Variants in VAC14 observed in about 807,000 individuals in gnomAD.
VAC14 encodes VAC14 component of PIKFYVE complex.
A neutral mutation model predicts 85.3 loss-of-function variants in VAC14; 47 were observed. The ratio of observed to expected loss-of-function variants is 0.55; its 90% CI spans 0.44 to 0.70. VAC14 has a LOEUF of 0.70. Ranked by LOEUF, VAC14 falls within the 30% of genes least tolerant of loss-of-function variation. The pLI, the probability that VAC14 is intolerant of heterozygous loss-of-function variation, is 0.00. For missense variants in VAC14, 861 were observed against 1,004.3 expected (o/e 0.86, Z 1.93); for synonymous variants, 447 against 430.5 (o/e 1.04, Z -0.47).
intron 12 of VAC14, chr16:70,755,201 T>C (rs577752557): frequency 2.3e-5 from 8 of 344,072 alleles, no homozygotes; most frequent in African/African-American, 1.3e-4. Context: ...AGGTGGAAGA[T>C]GGAGAGGGCT....
intron 9 of VAC14, among the ~76,000 whole-genome samples, chr16:70,775,443 T>A (rs951695406): frequency 2.6e-5 from 4 of 152,250 alleles, no homozygotes; most frequent in Non-Finnish European, 4.4e-5. Flanking sequence ...TTTCACTCTG[T>A]CCTATGGCTT....
chr16:70,737,793 C>T (rs2054808278), intron 13 of VAC14, among the ~76,000 whole-genome samples: 1 of 152,216 alleles, frequency 6.6e-6, no homozygotes, highest in South Asian at 2.1e-4. Context: ...AGAAACCTCA[C>T]ATGTCAGGAT....
Position 70,688,011 on chromosome 16 carries a change from C to CA in VAC14, c.2265dup (p.Glu756Ter). On this transcript the variant is annotated frameshift_variant, in exon 19 of 19. Coordinates refer to ENST00000261776, the MANE Select transcript of VAC14 (RefSeq NM_018052.5). LOFTEE classifies it high-confidence loss of function. ...TCCAGGTGCTTGTTCTGGACCTTCT[C>CA]AAAGTGCTGCAGCAGCTCTGCGTAG... The CA allele has an allele frequency of 1.2e-6, 2 of 1,607,086 alleles. No homozygotes were observed. Among genetic ancestry groups the CA allele is most frequent in the Non-Finnish European group, 8.5e-7 (1 of 1,175,996 alleles).
chr16:70,761,409 G>T (rs2032372831), intron 12 of VAC14, among the ~76,000 whole-genome samples: 1 of 152,262 alleles, frequency 6.6e-6, no homozygotes, highest in Non-Finnish European at 1.5e-5. Flanking sequence ...AGGAAAGTGG[G>T]CTGAGGCTCA....
At chr16:70,758,275 G>A (rs1247845151) in intron 12 of VAC14, among the ~76,000 whole-genome samples, 4 of 152,106 alleles carry the variant, frequency 2.6e-5, no homozygotes, top group Non-Finnish European at 4.4e-5. Flanking sequence ...AGGGGGTTAC[G>A]CTTTCTCTTT....
At chr16:70,772,019 G>T in intron 10 of VAC14, 90 bp downstream of exon 10, 2 of 1,199,794 alleles carry the variant, frequency 1.7e-6, no homozygotes, top group South Asian at 1.3e-5. Flanking sequence ...AGTAGAATTT[G>T]CCTTGGGTCA....
chr16:70,761,443 T>C (rs562010118), intron 12 of VAC14, among the ~76,000 whole-genome samples: 2 of 152,326 alleles, frequency 1.3e-5, no homozygotes, highest in African/African-American at 4.8e-5. Flanking sequence ...GCATCTGAGA[T>C]GCAGCCTGAA....
chr16:70,707,572 A>G (rs1177103259), intron 14 of VAC14, among the ~76,000 whole-genome samples: 1 of 151,904 alleles, frequency 6.6e-6, no homozygotes, highest in Non-Finnish European at 1.5e-5. Context: ...GGGAGCTGCC[A>G]CAGAAAACGA....
chr16:70,731,670 G>A, intron 13 of VAC14, 43 bp from the exon 14 acceptor site: 1 of 1,538,022 alleles, frequency 6.5e-7, no homozygotes, highest in Non-Finnish European at 8.8e-7. Context: ...CTGATTATGT[G>A]TCCACAGGGT....
At chr16:70,793,872 G>A (rs562434966) in intron 1 of VAC14, among the ~76,000 whole-genome samples, 1 of 152,332 alleles carries the variant, frequency 6.6e-6, no homozygotes, top group South Asian at 2.1e-4. Flanking sequence ...ACGAGGTTGT[G>A]CTCATTCCAT....
chr16:70,789,719 CT>C (rs997205484), intron 1 of VAC14, among the ~76,000 whole-genome samples: 1 of 152,156 alleles, frequency 6.6e-6, no homozygotes, highest in Non-Finnish European at 1.5e-5. Context: ...ACTTATTTTC[CT>C]AAATTCTGCA....
At chr16:70,764,108 T>C (rs1243138955) in intron 10 of VAC14, among the ~76,000 whole-genome samples, 1 of 152,226 alleles carries the variant, frequency 6.6e-6, no homozygotes, top group Non-Finnish European at 1.5e-5. Context: ...CATCAGGAAC[T>C]GATGGCTGTG....
Position 70,786,199 on chromosome 16 carries a change from TG to T in VAC14, c.255+15del, listed in dbSNP as rs779006139. The T allele has an allele frequency of 6.2e-7, 1 of 1,612,978 alleles. No individual in the cohort carries two copies. The highest frequency in any genetic ancestry group is 1.1e-5 in the South Asian group (1 of 90,906). ...GGCCAGGACTGGTATGTCTGTCCCT[TG>T]GGTGAAAGGCCCACCTTGCCCAGTG... On this transcript the variant is annotated intron_variant, in intron 2 of 18. Transcript: ENST00000261776.
rs1266959270 is a variant in VAC14 at position 70,786,141 on chromosome 16, G to A, written c.255+74C>T. 3 of 1,568,086 alleles carry A rather than the reference G, an allele frequency of 1.9e-6. No individual in the cohort carries two copies. In the East Asian group the frequency reaches 6.7e-5, roughly 35 times the overall value. On this transcript the variant is annotated intron_variant, in intron 2 of 18. Coordinates refer to ENST00000261776, the MANE Select transcript of VAC14 (RefSeq NM_018052.5). ...TGCAATGCCCTACTGGGTCTTGACA[G>A]GGAAGGCATCGGGATGGCTTGGTCA...
chr16:70,798,210 C>A (rs898194932), intron 1 of VAC14, among the ~76,000 whole-genome samples: 1 of 152,168 alleles, frequency 6.6e-6, no homozygotes, highest in Non-Finnish European at 1.5e-5. Flanking sequence ...GCCACGCAGC[C>A]TCTCAGGAAA....
At chr16:70,694,286 C>T (rs2053661663) in intron 17 of VAC14, among the ~76,000 whole-genome samples, 1 of 152,206 alleles carries the variant, frequency 6.6e-6, no homozygotes, top group African/African-American at 2.4e-5. Flanking sequence ...TCAGGACAGA[C>T]CAGCAGCAGG....
intron 14 of VAC14, among the ~76,000 whole-genome samples, chr16:70,724,896 G>A (rs185621305): frequency 2.6e-5 from 4 of 152,366 alleles, no homozygotes. Flanking sequence ...ACGGACTTAT[G>A]AAAGATCAAA....
intron 13 of VAC14, among the ~76,000 whole-genome samples, chr16:70,736,679 G>A (rs966298373): frequency 5.3e-5 from 8 of 152,206 alleles, no homozygotes; most frequent in African/African-American, 1.7e-4. Flanking sequence ...TGGAAGGGAG[G>A]AGGAGGGCAG....
intron 1 of VAC14, among the ~76,000 whole-genome samples, chr16:70,794,690 C>T (rs2034472084): frequency 6.6e-6 from 1 of 152,222 alleles, no homozygotes; most frequent in Admixed American, 6.5e-5. Context: ...ATTTAAAATA[C>T]TTTGTGATCC....
Sources: gnomAD v4.1 joint callset for allele counts (sites outside exome capture counted in the v4.1 genomes callset) on GRCh38, gnomAD v4.1.1 for gene constraint, MANE v1.5 for transcripts, NCBI Gene and HGNC (gene_info 2026-07-23, HGNC 2026-07-21) for gene names.